TBCK: variants seen among roughly 807,000 people sequenced by gnomAD.
TBCK encodes the protein TBC1 domain containing kinase, also known as TBC domain-containing protein kinase-like protein.
Under a neutral mutation model 113.4 loss-of-function variants are expected in TBCK, and 99 were observed. That is an observed-to-expected ratio of 0.87 (90% CI 0.74 to 1.03). The LOEUF is 1.03. TBCK is among the 50% of genes least tolerant of loss of function. The pLI is 0.00. For missense variants in TBCK, 1,045 were observed against 1,061.3 expected (o/e 0.98, Z 0.21); for synonymous variants, 369 against 370.8 (o/e 1.00, Z 0.05).
intron 2 of TBCK, among the ~76,000 whole-genome samples, chr4:106,298,450 A>G (rs968765269): frequency 6.6e-6 from 1 of 151,868 alleles, no homozygotes; most frequent in African/African-American, 2.4e-5. Context: ...AAATATGAAA[A>G]AAAAAAAAAA....
intron 24 of TBCK, among the ~76,000 whole-genome samples, chr4:106,102,230 C>G (rs550024316): frequency 6.6e-6 from 1 of 152,158 alleles, no homozygotes; most frequent in South Asian, 2.1e-4. Flanking sequence ...TCATGTCCTT[C>G]AGCTTTCTTC....
At chr4:106,256,702 C>T (rs1762030062) in intron 5 of TBCK, among the ~76,000 whole-genome samples, 1 of 152,108 alleles carries the variant, frequency 6.6e-6, no homozygotes, top group East Asian at 1.9e-4. Context: ...TCCTGGCCCC[C>T]ATAGGCTCCG....
At chr4:106,138,032 G>A (rs1346491321) in intron 23 of TBCK, among the ~76,000 whole-genome samples, 2 of 141,440 alleles carry the variant, frequency 1.4e-5, no homozygotes, top group Non-Finnish European at 1.6e-5. Context: ...CATTAGGCAA[G>A]TGTGTTGTGC....
intron 3 of TBCK, among the ~76,000 whole-genome samples, chr4:106,264,622 G>A (rs1372351262): frequency 4.6e-5 from 7 of 151,958 alleles, no homozygotes; most frequent in Non-Finnish European, 1.0e-4. Flanking sequence ...GTAGAACTAA[G>A]CACAGAAAGA....
chr4:106,043,220 A>C lies in TBCK; in HGVS notation c.*3350T>G, dbSNP rs1213337266. 6.6e-6 allele frequency: 1 copy of C among 152,118 alleles called. No homozygotes were observed. The highest frequency in any genetic ancestry group is 2.4e-5 in the African/African-American group (1 of 41,418). 9.4% of individuals were successfully genotyped at this position (152,118 alleles called of 1,614,324 possible). On this transcript the variant is annotated 3_prime_UTR_variant, in exon 26 of 26. Transcript: ENST00000394708. ...AATCTAACATTTCTGTATTTTGAAA[A>C]GAGGATGCAACTAGATTAAATTACC...
At chr4:106,236,306 C>G (rs1759448628) in intron 14 of TBCK, 84 bp downstream of exon 14, 1 of 1,043,458 alleles carries the variant, frequency 9.6e-7, no homozygotes, top group South Asian at 4.0e-5. Flanking sequence ...TCTTATTACT[C>G]AAGATTCCCT....
At position 106,231,770 on chromosome 4, in the gene TBCK, G is replaced by C. The variant is rs1406577084; in HGVS notation, c.1649C>G (p.Ser550Ter). ...PDLVYWQGLD[S>*]LCAPFLYLNF... ...TAGATATAGGAATGGAGCACAAAGT[G>C]AGTCAAGACCTAACACAGAGGGGTT... is the stretch of plus-strand genomic sequence containing the variant. The change falls in exon 18 of 26, where the codon TCA (serine) becomes TGA (stop). Residue 550 changes from serine to a stop codon, truncating the protein, a stop_gained. Transcript: ENST00000394708. LOFTEE classifies it high-confidence loss of function. 1 of 1,609,798 alleles carries C rather than the reference G, an allele frequency of 6.2e-7. No individual in the cohort carries two copies. Among genetic ancestry groups the C allele is most frequent in the South Asian group, 1.1e-5 (1 of 90,498 alleles).
intron 24 of TBCK, among the ~76,000 whole-genome samples, chr4:106,106,511 A>C (rs1560652567): frequency 6.6e-6 from 1 of 152,236 alleles, no homozygotes; most frequent in African/African-American, 2.4e-5. Flanking sequence ...AAGAAAAAAA[A>C]TCTTTAACCA....
rs536783943 is a variant in TBCK, at chr4:106,309,551, C to T, written c.-29-562G>A. On this transcript the variant is annotated intron_variant, in intron 1 of 25. Coordinates refer to ENST00000394708, the MANE Select transcript of TBCK (RefSeq NM_001163435.3). ...ACTCCTGACCTCGTGATCCACCCGC[C>T]TCGGCCTCTCAAAGTGCTGGGATTA... is the stretch of plus-strand genomic sequence containing the variant. Among the ~76,000 whole-genome samples, 164 of 152,072 alleles carry T rather than the reference C, an allele frequency of 1.1e-3. 1 individual carries two copies. Among genetic ancestry groups the T allele is most frequent in the Middle Eastern group, 3.4e-3 (1 of 294 alleles).
chr4:106,295,241 G>T, intron 2 of TBCK, 75 bp from the exon 3 acceptor site: 1 of 1,269,312 alleles, frequency 7.9e-7, no homozygotes, highest in South Asian at 1.4e-5. Context: ...ACTCTCCACT[G>T]ATGATATTAA....
intron 23 of TBCK, among the ~76,000 whole-genome samples, chr4:106,146,656 A>G (rs1180860609): frequency 6.6e-6 from 1 of 152,210 alleles, no homozygotes; most frequent in Admixed American, 6.5e-5. Flanking sequence ...GCAAGTCATA[A>G]TCTTTTTGCT....
rs566010327 is a variant in TBCK at position 106,089,416 on chromosome 4, C to T, written c.2571+6066G>A. Among the ~76,000 whole-genome samples the T allele has an allele frequency of 5.3e-5, 8 of 152,294 alleles. No individual in the cohort carries two copies. The East Asian group carries it at 1.5e-3, about 29-fold the overall frequency. ...CATTTGAAATGAGATTTGGAGGGGACAAACATCCAAACCACATCATTCTGC... is the reference window on the plus strand; with the variant it reads ...CATTTGAAATGAGATTTGGAGGGGATAAACATCCAAACCACATCATTCTGC... On this transcript the variant is annotated intron_variant, in intron 25 of 25. Transcript: ENST00000394708.
chr4:106,189,737 C>G (rs1388108769), intron 22 of TBCK, among the ~76,000 whole-genome samples: 1 of 152,096 alleles, frequency 6.6e-6, no homozygotes, highest in African/African-American at 2.4e-5. Flanking sequence ...TTCATTACTT[C>G]AAAAATACTG....
intron 23 of TBCK, among the ~76,000 whole-genome samples, chr4:106,161,492 G>A (rs1480411096): frequency 6.6e-6 from 1 of 152,116 alleles, no homozygotes; most frequent in Non-Finnish European, 1.5e-5. Context: ...ACCAAGGAGT[G>A]AGGGTCAGGG....
At position 106,262,207 on chromosome 4, in the gene TBCK, G is replaced by T; in HGVS notation, c.272C>A (p.Ser91Ter). The T allele has an allele frequency of 6.5e-7, 1 of 1,532,128 alleles. No homozygotes were observed. The highest frequency in any genetic ancestry group is 1.2e-5 in the South Asian group (1 of 81,580). The allele number at this position is 1,532,128 out of a possible 1,614,324, so 94.9% of individuals were successfully genotyped here. A position where few individuals can be genotyped will look rare whatever the true frequency, so the allele number is the denominator to read the frequency against. ...CTCAAATGCTATACACAAAACCGTT[G>T]AACAGCTACAAAGAAAACAAAAAGT... is the stretch of plus-strand genomic sequence containing the variant. The part of the protein sequence containing the change: ...LLRERKPVSC[S>*]TVLCIAFEVL... Residue 91 changes from serine to a stop codon, truncating the protein, a stop_gained, in exon 4 of 26, where the codon TCA becomes TAA. Coordinates refer to ENST00000394708, the MANE Select transcript of TBCK (RefSeq NM_001163435.3). LOFTEE classifies it high-confidence loss of function.
At chr4:106,111,588 G>C (rs1330842807) in intron 24 of TBCK, among the ~76,000 whole-genome samples, 1 of 152,122 alleles carries the variant, frequency 6.6e-6, no homozygotes, top group Non-Finnish European at 1.5e-5. Context: ...CAGTAGAAAA[G>C]AATTTCCTAA....
intron 25 of TBCK, among the ~76,000 whole-genome samples, chr4:106,092,575 A>G (rs527992775): frequency 6.6e-6 from 1 of 152,302 alleles, no homozygotes; most frequent in African/African-American, 2.4e-5. Flanking sequence ...CCGGTGAGAA[A>G]TCAAGTGCAG....
chr4:106,206,040 A>C (rs952906853), intron 20 of TBCK, among the ~76,000 whole-genome samples: 1 of 152,164 alleles, frequency 6.6e-6, no homozygotes, highest in African/African-American at 2.4e-5. Flanking sequence ...AATTATAAAT[A>C]CATAAATATA....
At chr4:106,078,365 T>A (rs1486558376) in intron 25 of TBCK, among the ~76,000 whole-genome samples, 1 of 151,742 alleles carries the variant, frequency 6.6e-6, no homozygotes. Flanking sequence ...CTTCAAAAGA[T>A]GAAACAAGAT....
Sources: allele counts gnomAD v4.1 joint callset (sites outside exome capture counted in the v4.1 genomes callset), GRCh38; gene constraint gnomAD v4.1.1; transcripts MANE v1.5; gene names NCBI Gene and HGNC (gene_info 2026-07-23, HGNC 2026-07-21).